The following SH3GL2 variants were observed in gnomAD, a reference collection of about 807,000 sequenced individuals.
The protein encoded by SH3GL2 is SH3 domain containing GRB2 like 2, endophilin A1.
SH3GL2 carries 24 observed loss-of-function variants against 46.0 expected under a neutral mutation model. The observed-to-expected ratio is 0.52, with a 90% CI of 0.38 to 0.73. The LOEUF is 0.73. SH3GL2 is among the 30% of genes least tolerant of loss of function. SH3GL2 has a pLI of 0.00. For synonymous variants in SH3GL2, 196 were observed against 147.1 expected, an observed-to-expected ratio of 1.33 and a Z score of -2.40; for missense variants, 413 against 424.2, an observed-to-expected ratio of 0.97 and a Z score of 0.23.
chr9:17,616,799 T>C (rs757487141), intron 1 of SH3GL2, among the ~76,000 whole-genome samples: 1 of 152,236 alleles, frequency 6.6e-6, no homozygotes, highest in Non-Finnish European at 1.5e-5. Flanking sequence ...TGTCTGATTT[T>C]TATACCATAC....
intron 8 of SH3GL2, among the ~76,000 whole-genome samples, chr9:17,793,906 A>G (rs915771947): frequency 6.6e-5 from 10 of 152,230 alleles, no homozygotes; most frequent in African/African-American, 2.4e-4. Context: ...GTGTCCCCAC[A>G]TGCATTCGCA....
At chr9:17,655,057 G>A (rs1323723523) in intron 1 of SH3GL2, among the ~76,000 whole-genome samples, 3 of 152,168 alleles carry the variant, frequency 2.0e-5, no homozygotes, top group Non-Finnish European at 4.4e-5. Flanking sequence ...AGCGAGAGAT[G>A]AGGAGGATGA....
chr9:17,794,393 A>G lies in SH3GL2; in HGVS notation c.859+896A>G, dbSNP rs544037944. Among the ~76,000 whole-genome samples the G allele has an allele frequency of 2.7e-3, 407 of 152,288 alleles. 3 individuals are homozygous for G. The highest frequency in any genetic ancestry group is 4.3e-3 in the Non-Finnish European group (295 of 68,028). ...AGGAGACTTATTAAGAAAAAAAGCG[A>G]GGTCTGAGCCGGCAGGTGGTGCTCT... On this transcript the variant is annotated intron_variant, in intron 8 of 8. Coordinates refer to ENST00000380607, the MANE Select transcript of SH3GL2 (RefSeq NM_003026.5).
intron 3 of SH3GL2, among the ~76,000 whole-genome samples, chr9:17,768,961 A>G (rs539789121): frequency 2.6e-5 from 4 of 152,294 alleles, no homozygotes; most frequent in African/African-American, 9.6e-5. Flanking sequence ...GGCTGTCTCC[A>G]TCTCGCTCCT....
intron 1 of SH3GL2, among the ~76,000 whole-genome samples, chr9:17,584,137 G>GTAT (rs1818326546): frequency 2.0e-5 from 3 of 152,140 alleles, no homozygotes; most frequent in African/African-American, 7.2e-5. Context: ...TTTTTCTGAG[G>GTAT]GAGAATGCCC....
intron 1 of SH3GL2, among the ~76,000 whole-genome samples, chr9:17,643,473 C>T (rs986330937): frequency 3.3e-5 from 5 of 152,212 alleles, no homozygotes; most frequent in Admixed American, 3.3e-4. Flanking sequence ...GGAATGCTTC[C>T]AGCTTTTGCC....
chr9:17,645,152 T>C (rs1328201106), intron 1 of SH3GL2, among the ~76,000 whole-genome samples: 1 of 3,388 alleles, frequency 3.0e-4, no homozygotes, highest in African/African-American at 5.6e-4. Flanking sequence ...CAAACGCTGC[T>C]TTTTTTTTTT....
intron 6 of SH3GL2, among the ~76,000 whole-genome samples, chr9:17,790,156 A>G (rs73424595): frequency 6.6e-6 from 1 of 152,182 alleles, no homozygotes; most frequent in Non-Finnish European, 1.5e-5. Flanking sequence ...TCGCTAGAAG[A>G]GAGAGAGAAC....
At chr9:17,682,298 T>G (rs915548788) in intron 1 of SH3GL2, among the ~76,000 whole-genome samples, 1 of 152,154 alleles carries the variant, frequency 6.6e-6, no homozygotes, top group African/African-American at 2.4e-5. Flanking sequence ...AGCAAAGTCA[T>G]GGAACCAACC....
At chr9:17,750,011 G>T (rs557049108) in intron 2 of SH3GL2, among the ~76,000 whole-genome samples, 1 of 152,264 alleles carries the variant, frequency 6.6e-6, no homozygotes, top group African/African-American at 2.4e-5. Context: ...AGGTTTCAGT[G>T]CAGTGTGGCA....
chr9:17,678,559 A>T (rs1225324148), intron 1 of SH3GL2, among the ~76,000 whole-genome samples: 1 of 152,136 alleles, frequency 6.6e-6, no homozygotes, highest in Non-Finnish European at 1.5e-5. Context: ...AGATTGCAAA[A>T]ATGTTCTCCC....
At chr9:17,580,104 A>G (rs1156281503) in intron 1 of SH3GL2, among the ~76,000 whole-genome samples, 7 of 152,190 alleles carry the variant, frequency 4.6e-5, no homozygotes, top group African/African-American at 1.7e-4. Flanking sequence ...AAATCATTGG[A>G]CTCAAAGAAT....
chr9:17,692,420 T>G (rs935830262), intron 1 of SH3GL2, among the ~76,000 whole-genome samples: 1 of 151,752 alleles, frequency 6.6e-6, no homozygotes, highest in African/African-American at 2.4e-5. Context: ...CCAAGGTGGG[T>G]GGATCATTTG....
intron 1 of SH3GL2, among the ~76,000 whole-genome samples, chr9:17,632,243 T>C (rs1819443931): frequency 6.6e-6 from 1 of 152,214 alleles, no homozygotes; most frequent in Non-Finnish European, 1.5e-5. Context: ...AGTTGGTCTT[T>C]TGTCATACAA....
chr9:17,790,702 T>G (rs1448108067), intron 6 of SH3GL2, among the ~76,000 whole-genome samples: 1 of 152,186 alleles, frequency 6.6e-6, no homozygotes, highest in East Asian at 1.9e-4. Flanking sequence ...AGAGCAAGAA[T>G]GAACTCAAGA....
At chr9:17,643,418 TATGTTGAATAGGAGTGGTGAG>T (rs1293951535) in intron 1 of SH3GL2, among the ~76,000 whole-genome samples, 2 of 152,214 alleles carry the variant, frequency 1.3e-5, no homozygotes, top group African/African-American at 4.8e-5. Context: ...CTTCCAATAC[TATGTTGAATAGGAGTGGTGAG>T]ATGTTGAATA....
chr9:17,690,808 A>G (rs972716704), intron 1 of SH3GL2, among the ~76,000 whole-genome samples: 11 of 152,180 alleles, frequency 7.2e-5, no homozygotes, highest in African/African-American at 2.2e-4. Flanking sequence ...TGGTCTCCAT[A>G]TCATGAGAAT....
intron 1 of SH3GL2, among the ~76,000 whole-genome samples, chr9:17,722,428 C>T (rs943142800): frequency 6.6e-6 from 1 of 152,088 alleles, no homozygotes; most frequent in African/African-American, 2.4e-5. Context: ...CATTCATTTA[C>T]TGTTGGAAAT....
chr9:17,670,362 T>C (rs1820442847), intron 1 of SH3GL2, among the ~76,000 whole-genome samples: 1 of 152,230 alleles, frequency 6.6e-6, no homozygotes, highest in Non-Finnish European at 1.5e-5. Context: ...CTGCGAAGGA[T>C]GCTGTGCCCT....
Sources: gnomAD v4.1 joint callset for allele counts (sites outside exome capture counted in the v4.1 genomes callset) on GRCh38, gnomAD v4.1.1 for gene constraint, MANE v1.5 for transcripts, NCBI Gene and HGNC (gene_info 2026-07-23, HGNC 2026-07-21) for gene names.